FBXL2: variants seen among roughly 807,000 people sequenced by gnomAD.
FBXL2 encodes F-box and leucine rich repeat protein 2.
Under a neutral mutation model 69.2 loss-of-function variants are expected in FBXL2, and 38 were observed. That is an observed-to-expected ratio of 0.55 (90% confidence interval 0.42 to 0.72). The LOEUF is 0.72. FBXL2 is among the 30% of genes least tolerant of loss of function. FBXL2 has a pLI of 0.00. For missense variants in FBXL2, 354 were observed against 520.3 expected, an observed-to-expected ratio of 0.68 and a Z score of 3.11; for synonymous variants, 192 against 201.3, an observed-to-expected ratio of 0.95 and a Z score of 0.39.
chr3:33,381,731 AT>A (rs1352232825), intron 13 of FBXL2, among the ~76,000 whole-genome samples: 1 of 152,006 alleles, frequency 6.6e-6, no homozygotes, highest in Admixed American at 6.6e-5. Flanking sequence ...TCAAACTTCT[AT>A]TTTTTTATTT....
At chr3:33,341,852 AAAAG>A (rs2040041771) in intron 2 of FBXL2, among the ~76,000 whole-genome samples, 1 of 150,622 alleles carries the variant, frequency 6.6e-6, no homozygotes, top group Non-Finnish European at 1.5e-5. Flanking sequence ...AAAAAAAAAA[AAAAG>A]GACAGGTGAA....
At chr3:33,389,027 T>G (rs2043645807), downstream of FBXL2, 1 of 152,426 alleles carries the variant, frequency 6.6e-6, no homozygotes, top group Non-Finnish European at 1.5e-5. Flanking sequence ...TTCAGTCCCC[T>G]ACACCACAGG....
rs9816259 is a variant in FBXL2 at position 33,293,592 on chromosome 3, G to A, written c.4-4072G>A. ...GAGCATTGAAGATGGGGGAATCACTGCTTCAACAGCAAGACATTCTAGTAT... is the reference window on the plus strand; with the variant it reads ...GAGCATTGAAGATGGGGGAATCACTACTTCAACAGCAAGACATTCTAGTAT... On this transcript the variant is annotated intron_variant, in intron 1 of 14. Coordinates refer to ENST00000484457, the MANE Select transcript of FBXL2 (RefSeq NM_012157.5). Among the ~76,000 whole-genome samples, 737 of 152,186 alleles carry A rather than the reference G, an allele frequency of 4.8e-3. 8 individuals carry two copies. Among genetic ancestry groups the A allele is most frequent in the African/African-American group, 0.017 (709 of 41,508 alleles).
intron 2 of FBXL2, among the ~76,000 whole-genome samples, chr3:33,348,680 G>T (rs1211976956): frequency 6.6e-6 from 1 of 152,010 alleles, no homozygotes; most frequent in Non-Finnish European, 1.5e-5. Flanking sequence ...TCGCACCACT[G>T]CACTTCAGCC....
rs557683027 is a variant in FBXL2 at position 33,393,153 on chromosome 3, ACT to A, written n.1214+7428_1214+7429del. 412 of 813,176 alleles carry A rather than the reference ACT, an allele frequency of 5.1e-4. 2 individuals carry two copies. In the African/African-American group the frequency reaches 6.6e-3, roughly 13 times the overall value. 50.4% of individuals were successfully genotyped at this position (813,176 alleles called of 1,614,324 possible). ...CCATATTATCACTAGGATGCCTGAAACTCTTGGTTATAAGTTCTTCCAAAGTG... is the reference window on the plus strand; with the variant it reads ...CCATATTATCACTAGGATGCCTGAAACTTGGTTATAAGTTCTTCCAAAGTG... On this transcript the variant is annotated intron_variant and non_coding_transcript_variant, in intron 12 of 12. Coordinates refer to the FBXL2 transcript ENST00000463736.
intron 2 of FBXL2, among the ~76,000 whole-genome samples, chr3:33,303,967 C>T (rs79193357): frequency 6.3e-4 from 95 of 151,326 alleles, no homozygotes; most frequent in African/African-American, 2.1e-3. Context: ...CAAGGAGATA[C>T]GAGATACTTT....
chr3:33,340,375 A>G (rs1468217777), intron 2 of FBXL2, among the ~76,000 whole-genome samples: 2 of 151,994 alleles, frequency 1.3e-5, no homozygotes, highest in African/African-American at 4.8e-5. Flanking sequence ...CATCCATATT[A>G]TGGTCTTGAA....
chr3:33,419,442 A>T, the FBXL2 span, among the ~76,000 whole-genome samples: 1 of 152,126 alleles, frequency 6.6e-6, no homozygotes, highest in Non-Finnish European at 1.5e-5. Context: ...AGCCTGGCCA[A>T]CACAGTGAAA....
chr3:33,316,739 C>A (rs1255466607), intron 2 of FBXL2, among the ~76,000 whole-genome samples: 1 of 152,124 alleles, frequency 6.6e-6, no homozygotes, highest in Non-Finnish European at 1.5e-5. Flanking sequence ...GATACTTTAT[C>A]ACTTAGGCTT....
intron 13 of FBXL2, chr3:33,382,725 T>C (rs1340961945): frequency 6.6e-6 from 1 of 152,188 alleles, no homozygotes; most frequent in Non-Finnish European, 1.5e-5. Context: ...AGACTTCCAA[T>C]TGCTCCACAT....
downstream of FBXL2, chr3:33,392,615 C>T (rs1190900566): frequency 6.2e-7 from 1 of 1,610,330 alleles, no homozygotes; most frequent in Non-Finnish European, 8.5e-7. Context: ...TCTGAACCAT[C>T]TGGAAGGATA....
At chr3:33,297,374 C>A (rs1482970703) in intron 1 of FBXL2, among the ~76,000 whole-genome samples, 3 of 152,104 alleles carry the variant, frequency 2.0e-5, no homozygotes, top group Non-Finnish European at 4.4e-5. Flanking sequence ...TTTACTTCTT[C>A]CTTTCCAATC....
intron 2 of FBXL2, among the ~76,000 whole-genome samples, chr3:33,327,639 C>T (rs1051893066): frequency 6.6e-6 from 1 of 151,974 alleles, no homozygotes; most frequent in African/African-American, 2.4e-5. Context: ...GAAACCAAAA[C>T]CACTGAAATA....
At chr3:33,337,279 C>T (rs1189869723) in intron 2 of FBXL2, among the ~76,000 whole-genome samples, 4 of 151,984 alleles carry the variant, frequency 2.6e-5, no homozygotes, top group Non-Finnish European at 4.4e-5. Flanking sequence ...CAACAAAGTG[C>T]TCATATCCAA....
At chr3:33,290,178 G>C (rs1334332990) in intron 1 of FBXL2, among the ~76,000 whole-genome samples, 1 of 152,174 alleles carries the variant, frequency 6.6e-6, no homozygotes, top group Non-Finnish European at 1.5e-5. Context: ...ACAGTGCTCA[G>C]ATTTTAGCTT....
intron 2 of FBXL2, 83 bp from the exon 3 acceptor site, chr3:33,358,884 G>A (rs940688119): frequency 9.3e-5 from 73 of 786,254 alleles, no homozygotes; most frequent in Admixed American, 1.6e-4. Flanking sequence ...TCCAGGTGGC[G>A]GATTAGAGTT....
At chr3:33,311,000 C>A (rs2037143274) in intron 2 of FBXL2, among the ~76,000 whole-genome samples, 2 of 152,254 alleles carry the variant, frequency 1.3e-5, no homozygotes, top group South Asian at 2.1e-4. Flanking sequence ...TGGTCATGAA[C>A]TCCTGACCTC....
At chr3:33,330,833 G>C (rs1282582576) in intron 2 of FBXL2, among the ~76,000 whole-genome samples, 1 of 151,976 alleles carries the variant, frequency 6.6e-6, no homozygotes, top group Admixed American at 6.6e-5. Flanking sequence ...AGGTTGCAGT[G>C]AGTCAAGATC....
intron 12 of FBXL2, among the ~76,000 whole-genome samples, chr3:33,395,012 A>ATATT (rs774828003): frequency 3.3e-5 from 5 of 152,142 alleles, no homozygotes; most frequent in Non-Finnish European, 7.4e-5. Flanking sequence ...AAAATATCCA[A>ATATT]TATTTCCCCA....
Sources: gnomAD v4.1 joint callset for allele counts (sites outside exome capture counted in the v4.1 genomes callset) on GRCh38, gnomAD v4.1.1 for gene constraint, MANE v1.5 for transcripts, NCBI Gene and HGNC (gene_info 2026-07-23, HGNC 2026-07-21) for gene names.